Variants in SPTBN2 observed in about 807,000 individuals in gnomAD.
SPTBN2 encodes spectrin beta chain, non-erythrocytic 2.
Under a neutral mutation model 284.2 loss-of-function variants are expected in SPTBN2, and 107 were observed. That is an observed-to-expected ratio of 0.38 (90% CI 0.32 to 0.44). SPTBN2 has a LOEUF of 0.44. SPTBN2 is among the 20% of genes least tolerant of loss of function. SPTBN2 has a pLI of 1.00. For synonymous variants in SPTBN2, 1,289 were observed against 1,354.8 expected, an observed-to-expected ratio of 0.95 and a Z score of 1.07; for missense variants, 2,569 against 3,287.1, an observed-to-expected ratio of 0.78 and a Z score of 5.34.
intron 1 of SPTBN2, among the ~76,000 whole-genome samples, chr11:66,742,908 C>T (rs1460892530): frequency 1.3e-5 from 2 of 152,198 alleles, no homozygotes; most frequent in Admixed American, 6.5e-5. Flanking sequence ...CTGCGCCCGG[C>T]CACGATGGGA....
Position 66,700,297 on chromosome 11 carries a change from A to T in SPTBN2, c.3573+229T>A, listed in dbSNP as rs1187925366. On this transcript the variant is annotated intron_variant, in intron 17 of 37. Transcript: ENST00000533211. The surrounding 1 kb of genome is among the most constrained non-coding windows in gnomAD (Gnocchi z 6.6). ...AAAATTCTTCTATTTTCTTAAAAAAATTTTTTTGTAGAGACAAGGTCTTGC... is the reference window on the plus strand; with the variant it reads ...AAAATTCTTCTATTTTCTTAAAAAATTTTTTTTGTAGAGACAAGGTCTTGC... Among the ~76,000 whole-genome samples, 4 of 151,952 alleles carry T rather than the reference A, an allele frequency of 2.6e-5. No individual in the cohort carries two copies. The highest frequency in any genetic ancestry group is 1.9e-4 in the East Asian group (1 of 5,174).
rs1055847789 is a variant in SPTBN2, at chr11:66,693,200, G to A, written c.4840C>T (p.Gln1614Ter). 1 of 1,614,098 alleles carries A rather than the reference G, an allele frequency of 6.2e-7. No individual in the cohort carries two copies. The highest frequency in any genetic ancestry group is 1.3e-5 in the African/African-American group (1 of 74,932). The stretch of plus-strand genomic sequence containing the variant: ...CTGGCCCTCACCTTGGCCTTCTCCT[G>A]GCCCATCATGTGTAATTCCTGCTCG... ...MGEQELHMMG[Q>*]EKAKDELSAQ... Residue 1614 changes from glutamine (Q) to a stop codon, truncating the protein, a stop_gained, in exon 24 of 38, where the codon CAG becomes TAG. Coordinates refer to ENST00000533211, the MANE Select transcript of SPTBN2 (RefSeq NM_006946.4). LOFTEE classifies it high-confidence loss of function. The surrounding 1 kb of genome is among the most constrained non-coding windows in gnomAD (Gnocchi z 5.7).
At chr11:66,720,970 G>A in intron 3 of SPTBN2, 114 bp downstream of exon 3, 3 of 1,408,512 alleles carry the variant, frequency 2.1e-6, no homozygotes. Context: ...GAGTGCTCTG[G>A]GTCTCCCACT....
Position 66,696,494 on chromosome 11 carries a change from A to T in SPTBN2, c.4061T>A (p.Val1354Glu). ...TLEKPELKAL[V>E]SEKLRDLHRR... ...GTGCAGGTCTCTCAGCTTCTCCGAC[A>T]CCAGGGCTTTCAGCTCTGGCTTCTC... Residue 1354 changes from valine to glutamate, a missense_variant, in exon 21 of 38, where the codon GTG becomes GAG. Physicochemically the swap from Val to Glu is moderately radical, Grantham distance 121 (BLOSUM62 -2). This residue lies in a region of SPTBN2 where 50 missense variants were observed against 48.1 expected (regional missense o/e 1.04). Transcript: ENST00000533211. 5 of 1,612,242 alleles carry T rather than the reference A, an allele frequency of 3.1e-6. No individual in the cohort carries two copies. The highest frequency in any genetic ancestry group is 3.4e-6 in the Non-Finnish European group (4 of 1,180,020).
At chr11:66,736,544 T>C (rs1942851882) in intron 1 of SPTBN2, among the ~76,000 whole-genome samples, 4 of 152,216 alleles carry the variant, frequency 2.6e-5, no homozygotes, top group African/African-American at 7.2e-5. Context: ...AAGAAGCTCA[T>C]GCCACTAACC....
rs1453545319 is a variant in SPTBN2, at chr11:66,691,785, G to A, written c.5191-127C>T. 2 of 1,406,482 alleles carry A rather than the reference G, an allele frequency of 1.4e-6. No homozygotes were observed. Among genetic ancestry groups the A allele is most frequent in the Admixed American group, 1.9e-5 (1 of 53,018 alleles). The allele number at this position is 1,406,482 out of a possible 1,614,324, so 87.1% of individuals were successfully genotyped here. A position where few individuals can be genotyped will look rare whatever the true frequency, so the allele number is the denominator to read the frequency against. On this transcript the variant is annotated intron_variant, in intron 26 of 37. Coordinates refer to ENST00000533211, the MANE Select transcript of SPTBN2 (RefSeq NM_006946.4). This position sits in a 1 kb window ranked among gnomAD's most constrained non-coding sequence, Gnocchi z 8.0. Reference sequence around the variant, plus strand: ...CCCCGCTGCATGGGGGCCGGGACAGGTTTCTTCCCTGTGGTTAAGGAGTAG... The same window carrying A: ...CCCCGCTGCATGGGGGCCGGGACAGATTTCTTCCCTGTGGTTAAGGAGTAG...
rs369017203 is a variant in SPTBN2 at position 66,699,465 on chromosome 11, T to C, written c.3717A>G (p.Val1239=). 8 of 1,614,024 alleles carry C rather than the reference T, an allele frequency of 5.0e-6. No homozygotes were observed. Among genetic ancestry groups the C allele is most frequent in the Non-Finnish European group, 6.8e-6 (8 of 1,180,028 alleles). ...TGTCGGCGTGGATGTTGCCTTCAGATACCAGCTGGCGGCCAGCCTCCAGGA... is the reference window on the plus strand; with the variant it reads ...TGTCGGCGTGGATGTTGCCTTCAGACACCAGCTGGCGGCCAGCCTCCAGGA... ...HGLLEAGRQL[V]SEGNIHADKI... Residue 1239 remains valine, a synonymous_variant, in exon 18 of 38, where the codon GTA becomes GTG. Coordinates refer to ENST00000533211, the MANE Select transcript of SPTBN2 (RefSeq NM_006946.4).
chr11:66,735,455 G>A (rs1248697927), intron 1 of SPTBN2, among the ~76,000 whole-genome samples: 1 of 152,126 alleles, frequency 6.6e-6, no homozygotes, highest in Non-Finnish European at 1.5e-5. Flanking sequence ...CACGCCTGTA[G>A]CCCTAGCACT....
rs371535973 is a variant in SPTBN2, at chr11:66,687,621, A to G, written c.6528T>C (p.Asn2176=). The change falls in exon 35 of 38, where the codon AAT becomes AAC. Residue 2176 remains asparagine, a synonymous_variant. Coordinates refer to ENST00000533211, the MANE Select transcript of SPTBN2 (RefSeq NM_006946.4). The surrounding 1 kb of genome is among the most constrained non-coding windows in gnomAD (Gnocchi z 5.2). ...GGGTCTGCCTCTCTCCCCGGGGCCC[A>G]TTGGCTTCGTCCCCTGAGCCAGGTC... ...GPGPGSGDEA[N]GPRGERQTRT... is the part of the protein sequence containing the mutation. 3.3e-5 allele frequency: 53 copies of G among 1,602,314 alleles called. No individual in the cohort carries two copies. The highest frequency in any genetic ancestry group is 1.3e-4 in the East Asian group (6 of 44,694).
chr11:66,700,446 T>A lies in SPTBN2; in HGVS notation c.3573+80A>T. ...CCCCATTTTGCTAGCATGTCCTTCC[T>A]GCCCATCCTGCTCCTTCACATTTCC... On this transcript the variant is annotated intron_variant, in intron 17 of 37. Coordinates refer to ENST00000533211, the MANE Select transcript of SPTBN2 (RefSeq NM_006946.4). This position sits in a 1 kb window ranked among gnomAD's most constrained non-coding sequence, Gnocchi z 6.6. 1.9e-6 allele frequency: 3 copies of A among 1,586,164 alleles called. No individual in the cohort carries two copies. The highest frequency in any genetic ancestry group is 1.7e-6 in the Non-Finnish European group (2 of 1,170,570).
intron 15 of SPTBN2, among the ~76,000 whole-genome samples, chr11:66,703,557 C>T (rs1454567269): frequency 1.3e-5 from 2 of 151,864 alleles, no homozygotes; most frequent in African/African-American, 2.4e-5. Context: ...ATGGTGAAAC[C>T]CTGTCTCTAC....
At position 66,705,217 on chromosome 11, in the gene SPTBN2, G is replaced by T; in HGVS notation, c.2059C>A (p.Arg687=). Residue 687 remains arginine, a synonymous_variant, in exon 15 of 38, where the codon CGG becomes AGG. Coordinates refer to ENST00000533211, the MANE Select transcript of SPTBN2 (RefSeq NM_006946.4). The part of the protein sequence containing the change: ...LRLLNKHTAL[R]GEMSGRLGPL... ...CCCAGCCGGCCGCTCATCTCGCCCC[G>T]CAGGGCTGTGTGCTTGTTGAGCAGG... The T allele has an allele frequency of 6.5e-7, 1 of 1,547,620 alleles. No homozygotes were observed.
In SPTBN2 at chr11:66,705,058, C is replaced by T; in HGVS notation, c.2218G>A (p.Ala740Thr). 9.4e-6 allele frequency: 15 copies of T among 1,594,670 alleles called. No individual in the cohort carries two copies. Among genetic ancestry groups the T allele is most frequent in the Non-Finnish European group, 1.2e-5 (14 of 1,177,568 alleles). ...CTGGCGGCTTGGGCCAGCCGCTGGG[C>T]ACGCTCCTCGGCCAGGGCCTCTAGC... Reference protein sequence around the residue: ...ERLEALAEERAQRLAQAASLY... With the variant: ...ERLEALAEERTQRLAQAASLY... The change falls in exon 15 of 38, where the codon GCC (alanine) becomes ACC (threonine). Residue 740 changes from alanine to threonine, a missense_variant. Physicochemically the swap from Ala to Thr is moderately conservative, Grantham distance 58. Transcript: ENST00000533211.
At chr11:66,686,367 C>T (rs759114281) in intron 37 of SPTBN2, 31 bp downstream of exon 37, 16 of 1,613,842 alleles carry the variant, frequency 9.9e-6, no homozygotes, top group South Asian at 3.3e-5. Flanking sequence ...TGGAATGGCA[C>T]GGACAGAGAG....
chr11:66,725,103 T>C (rs1942568863), intron 1 of SPTBN2, among the ~76,000 whole-genome samples: 3 of 152,172 alleles, frequency 2.0e-5, no homozygotes, highest in East Asian at 1.9e-4. Flanking sequence ...TCTCTCCAAA[T>C]TGAATTTGAA....
Position 66,693,948 on chromosome 11 carries a change from T to C in SPTBN2, c.4504-87A>G, listed in dbSNP as rs1329222005. 7 of 1,384,550 alleles carry C rather than the reference T, an allele frequency of 5.1e-6. No homozygotes were observed. The highest frequency in any genetic ancestry group is 2.9e-5 in the African/African-American group (2 of 69,738). The allele number at this position is 1,384,550 out of a possible 1,614,324, so 85.8% of individuals were successfully genotyped here. The stretch of plus-strand genomic sequence containing the variant: ...TAGTGGGAGTGGGGACACCTGGGGC[T>C]ACCGCCCTGTGTGTGGGGAACAGTC... On this transcript the variant is annotated intron_variant, in intron 22 of 37. Coordinates refer to ENST00000533211, the MANE Select transcript of SPTBN2 (RefSeq NM_006946.4). The surrounding 1 kb of genome is among the most constrained non-coding windows in gnomAD (Gnocchi z 5.7).
At chr11:66,709,616 C>T (rs775421318) in intron 10 of SPTBN2, among the ~76,000 whole-genome samples, 1 of 152,190 alleles carries the variant, frequency 6.6e-6, no homozygotes, top group Non-Finnish European at 1.5e-5. Flanking sequence ...TGTTGATAAA[C>T]ATCCTTGAAG....
chr11:66,700,862 G>A lies in SPTBN2; in HGVS notation c.3237C>T (p.Ala1079=). The stretch of plus-strand genomic sequence containing the variant: ...CAGCAGTCTGAGTGCGGCCTAGCCA[G>A]GCCTGGAAGTCATCCAAGCTGCGCA... The part of the protein sequence containing the change: ...DFLRSLDDFQ[A]WLGRTQTAVA... The change falls in exon 17 of 38, where the codon GCC becomes GCT. Residue 1079 remains alanine (A), a synonymous_variant. Coordinates refer to ENST00000533211, the MANE Select transcript of SPTBN2 (RefSeq NM_006946.4). The surrounding 1 kb of genome is among the most constrained non-coding windows in gnomAD (Gnocchi z 6.6). 6.2e-7 allele frequency: 1 copy of A among 1,600,136 alleles called. No individual in the cohort carries two copies. Among genetic ancestry groups the A allele is most frequent in the Non-Finnish European group, 8.5e-7 (1 of 1,179,836 alleles).
chr11:66,698,268 T>G (rs1433651252), intron 20 of SPTBN2, among the ~76,000 whole-genome samples: 1 of 152,238 alleles, frequency 6.6e-6, no homozygotes, highest in Non-Finnish European at 1.5e-5. Context: ...GATGAGTAGT[T>G]GTAGTAGAAA....
Sources: gnomAD v4.1 joint callset for allele counts (sites outside exome capture counted in the v4.1 genomes callset) on GRCh38, gnomAD v4.1.1 for gene constraint, gnomAD v4.1.1 regional missense constraint, Gnocchi (gnomAD v3.1) non-coding constraint, MANE v1.5 for transcripts, NCBI Gene and HGNC (gene_info 2026-07-23, HGNC 2026-07-21) for gene names.